Variants in GGA2 observed in about 807,000 individuals in gnomAD.
GGA2 encodes golgi associated, gamma adaptin ear containing, ARF binding protein 2.
GGA2 carries 48 observed loss-of-function variants against 79.5 expected under a neutral mutation model. The observed-to-expected ratio is 0.60, with a 90% CI of 0.48 to 0.77. The LOEUF is 0.77. GGA2 is among the 30% of genes least tolerant of loss of function. The pLI is 0.00. For missense variants in GGA2, 770 were observed against 774.0 expected (o/e 0.99, Z 0.06); for synonymous variants, 317 against 302.0 (o/e 1.05, Z -0.51).
At chr16:23,504,643 C>T (rs371573969) in intron 1 of GGA2, among the ~76,000 whole-genome samples, 3 of 152,194 alleles carry the variant, frequency 2.0e-5, no homozygotes, top group Non-Finnish European at 4.4e-5. Flanking sequence ...CCACAGCAAC[C>T]GCCGTAGGTC....
At position 23,486,251 on chromosome 16, in the gene GGA2, A is replaced by AG. The variant is rs147618291; in HGVS notation, c.661-100dup. 1.3e-3 allele frequency: 1,399 copies of AG among 1,052,596 alleles called. 22 individuals are homozygous for AG. The African/African-American group carries it at 0.02, about 15-fold the overall frequency. 65.2% of individuals were successfully genotyped at this position (1,052,596 alleles called of 1,614,324 possible). On this transcript the variant is annotated intron_variant, in intron 7 of 16. Coordinates refer to ENST00000309859, the MANE Select transcript of GGA2 (RefSeq NM_015044.4). ...GAGTCACTATTGAGAGAGCTCGCTCAGGGGCATCACCAGGATGTTAAGTGC... is the reference window on the plus strand; with the variant it reads ...GAGTCACTATTGAGAGAGCTCGCTCAGGGGGCATCACCAGGATGTTAAGTGC...
chr16:23,475,600 C>T (rs1013769670), intron 13 of GGA2, among the ~76,000 whole-genome samples: 4 of 151,346 alleles, frequency 2.6e-5, no homozygotes, highest in African/African-American at 4.9e-5. Flanking sequence ...TCAAATGAGA[C>T]GATGTATGAA....
At chr16:23,496,835 G>GT (rs1216055926) in intron 1 of GGA2, among the ~76,000 whole-genome samples, 1 of 151,830 alleles carries the variant, frequency 6.6e-6, no homozygotes, top group African/African-American at 2.4e-5. Flanking sequence ...GAGTGTTCCT[G>GT]TAATCCCAGC....
At chr16:23,479,915 G>A in intron 10 of GGA2, 28 bp from the exon 11 acceptor site, 1 of 1,612,308 alleles carries the variant, frequency 6.2e-7, no homozygotes, top group Non-Finnish European at 8.5e-7. Flanking sequence ...AGGAAGAGAA[G>A]TCAGTTGGAC....
At chr16:23,487,928 A>G (rs573375265) in intron 6 of GGA2, among the ~76,000 whole-genome samples, 3 of 152,216 alleles carry the variant, frequency 2.0e-5, no homozygotes, top group Admixed American at 2.0e-4. Flanking sequence ...GTGACTGACC[A>G]AGAACAGTCA....
In GGA2 at chr16:23,466,177, T is replaced by C. The variant is rs1964435192; in HGVS notation, c.*1413A>G. ...GATCAGACTGTAAAAATATCAGATA[T>C]TGTAATTAAGAGCTCCAAACAAGTC... On this transcript the variant is annotated 3_prime_UTR_variant, in exon 17 of 17. Coordinates refer to ENST00000309859, the MANE Select transcript of GGA2 (RefSeq NM_015044.4). 2 of 152,146 alleles carry C rather than the reference T, an allele frequency of 1.3e-5. No homozygotes were observed. Among genetic ancestry groups the C allele is most frequent in the African/African-American group, 4.8e-5 (2 of 41,432 alleles). 9.4% of individuals were successfully genotyped at this position (152,146 alleles called of 1,614,324 possible). A position where few individuals can be genotyped will look rare whatever the true frequency, so the allele number is the denominator to read the frequency against.
intron 1 of GGA2, among the ~76,000 whole-genome samples, chr16:23,499,996 G>A (rs1964902952): frequency 6.6e-6 from 1 of 152,262 alleles, no homozygotes; most frequent in South Asian, 2.1e-4. Context: ...AGCTCTGGTG[G>A]TTGGCAGGGC....
Position 23,491,704 on chromosome 16 carries a change from C to A in GGA2, c.448G>T (p.Asp150Tyr). 1 of 1,613,170 alleles carries A rather than the reference C, an allele frequency of 6.2e-7. No homozygotes were observed. The highest frequency in any genetic ancestry group is 1.1e-5 in the South Asian group (1 of 91,050). The change falls in exon 5 of 17, where the codon GAC (aspartate) becomes TAC (tyrosine). Residue 150 changes from aspartate to tyrosine, a missense_variant. By Grantham distance (160) the Asp-to-Tyr change is radical. Coordinates refer to ENST00000309859, the MANE Select transcript of GGA2 (RefSeq NM_015044.4). ...TGTTTCTTCAGCATCTGATAAGCGT[C>A]TCGAATCTTGATGTCTTCCGGAAAC... Reference protein sequence around the residue: ...VWFPEDIKIRDAYQMLKKQGI... With the variant: ...VWFPEDIKIRYAYQMLKKQGI...
chr16:23,495,862 T>C (rs1964848860), intron 1 of GGA2, 84 bp from the exon 2 acceptor site: 1 of 799,712 alleles, frequency 1.3e-6, no homozygotes, highest in African/African-American at 1.7e-5. Flanking sequence ...CCAAGAGCTG[T>C]CTTATCACAG....
At chr16:23,522,860 T>C (rs1364826290), upstream of GGA2, 2 of 152,186 alleles carry the variant, frequency 1.3e-5, no homozygotes, top group East Asian at 3.8e-4. Context: ...GTCATGTGAA[T>C]GCTTGGCTGG....
chr16:23,492,906 G>A (rs963810776), intron 4 of GGA2, among the ~76,000 whole-genome samples: 1 of 152,222 alleles, frequency 6.6e-6, no homozygotes, highest in African/African-American at 2.4e-5. Flanking sequence ...GAAATGAACT[G>A]TAGGACCCAT....
intron 1 of GGA2, among the ~76,000 whole-genome samples, chr16:23,500,141 T>C (rs1964904619): frequency 6.6e-6 from 1 of 152,220 alleles, no homozygotes; most frequent in Non-Finnish European, 1.5e-5. Flanking sequence ...CAAGGGACCC[T>C]TGTAGACAAG....
chr16:23,482,954 C>A lies in GGA2; in HGVS notation c.849G>T (p.Ala283=). The change falls in exon 9 of 17, where the codon GCG becomes GCT. Residue 283 remains alanine (A), a synonymous_variant. Coordinates refer to ENST00000309859, the MANE Select transcript of GGA2 (RefSeq NM_015044.4). Reference sequence around the variant, plus strand: ...CATCATCGTCATCAGTGGTGTCACTCGCCAACCGGAACAGCGTGGGCCGCA... The same window carrying A: ...CATCATCGTCATCAGTGGTGTCACTAGCCAACCGGAACAGCGTGGGCCGCA... ...EKLRPTLFRL[A]SDTTDDDDAL... 1 of 1,612,148 alleles carries A rather than the reference C, an allele frequency of 6.2e-7. No individual in the cohort carries two copies. Among genetic ancestry groups the A allele is most frequent in the South Asian group, 1.1e-5 (1 of 91,030 alleles).
chr16:23,468,626 C>T (rs1359664931), intron 16 of GGA2, among the ~76,000 whole-genome samples: 1 of 149,914 alleles, frequency 6.7e-6, no homozygotes, highest in Admixed American at 6.7e-5. Flanking sequence ...GGTGCGTGCC[C>T]CCACAACCAG....
chr16:23,474,682 C>A (rs909672564), intron 14 of GGA2, among the ~76,000 whole-genome samples: 1 of 151,652 alleles, frequency 6.6e-6, no homozygotes, highest in African/African-American at 2.4e-5. Context: ...AAACTCCTGG[C>A]CTCAAGTGAT....
upstream of GGA2, among the ~76,000 whole-genome samples, chr16:23,511,759 C>T (rs1965067303): frequency 6.6e-6 from 1 of 152,016 alleles, no homozygotes; most frequent in Admixed American, 6.5e-5. Context: ...GAAATGAATA[C>T]GTGTTAAATA....
upstream of GGA2, among the ~76,000 whole-genome samples, chr16:23,515,149 A>T (rs967702565): frequency 2.7e-4 from 40 of 150,106 alleles, no homozygotes; most frequent in African/African-American, 7.8e-4. Flanking sequence ...TAAAAGAGAT[A>T]ATATATATAT....
At chr16:23,510,153 T>G (rs1030022774) in intron 1 of GGA2, among the ~76,000 whole-genome samples, 168 bp downstream of exon 1, 1 of 150,332 alleles carries the variant, frequency 6.7e-6, no homozygotes, top group East Asian at 2.0e-4. Flanking sequence ...TTGGGGCTCC[T>G]CTCGGGGGAC....
Position 23,480,695 on chromosome 16 carries a change from G to A in GGA2, c.956C>T (p.Thr319Ile), listed in dbSNP as rs1964636274. 2 of 1,613,766 alleles carry A rather than the reference G, an allele frequency of 1.2e-6. No individual in the cohort carries two copies. Among genetic ancestry groups the A allele is most frequent in the East Asian group, 2.2e-5 (1 of 44,868 alleles). The change falls in exon 10 of 17, where the codon ACC (threonine) becomes ATC (isoleucine). Residue 319 changes from threonine (T) to isoleucine (I), a missense_variant. Coordinates refer to ENST00000309859, the MANE Select transcript of GGA2 (RefSeq NM_015044.4). Reference sequence around the variant, plus strand: ...TGAGCTGGTCACTCTGTTTCCAAAGGTGACCCGGCCCTCCATCACCTGTTT... The same window carrying A: ...TGAGCTGGTCACTCTGTTTCCAAAGATGACCCGGCCCTCCATCACCTGTTT... ...LYKQVMEGRVTFGNRVTSSLG... is the reference protein window; with the variant it reads ...LYKQVMEGRVIFGNRVTSSLG...
Sources: allele counts gnomAD v4.1 joint callset (sites outside exome capture counted in the v4.1 genomes callset), GRCh38; gene constraint gnomAD v4.1.1; transcripts MANE v1.5; gene names NCBI Gene and HGNC (gene_info 2026-07-23, HGNC 2026-07-21).